The following CHRM3 variants were observed in gnomAD, a reference collection of about 807,000 sequenced individuals.
CHRM3 encodes muscarinic acetylcholine receptor M3.
In CHRM3, 11 loss-of-function variants were observed where a neutral mutation model predicts 41.8. That is an observed-to-expected ratio of 0.26 (90% confidence interval 0.17 to 0.44). The LOEUF (loss-of-function observed/expected upper bound fraction) is 0.44. CHRM3 is among the 20% of genes least tolerant of loss of function. The pLI, the probability that CHRM3 is intolerant of heterozygous loss-of-function variation, is 1.00. For synonymous variants in CHRM3, 297 were observed against 301.4 expected (o/e 0.99, Z 0.15); for missense variants, 571 against 745.4 (o/e 0.77, Z 2.72).
intron 1 of CHRM3, among the ~76,000 whole-genome samples, chr1:239,401,068 G>A (rs918372905): frequency 6.6e-6 from 1 of 151,434 alleles, no homozygotes; most frequent in African/African-American, 2.4e-5. Context: ...GGCTTGAAAA[G>A]AAAATCAAAG....
intron 6 of CHRM3, among the ~76,000 whole-genome samples, chr1:239,893,152 T>A (rs1340836914): frequency 1.3e-5 from 2 of 152,202 alleles, no homozygotes; most frequent in Non-Finnish European, 1.5e-5. Context: ...TTAAATGAAT[T>A]AATATGTATA....
intron 4 of CHRM3, among the ~76,000 whole-genome samples, chr1:239,673,526 T>G (rs1174675038): frequency 2.6e-5 from 4 of 152,196 alleles, no homozygotes; most frequent in African/African-American, 9.7e-5. Flanking sequence ...TCAGCTATGT[T>G]TGCTTTTTAT....
chr1:239,865,232 G>A (rs188256475), intron 6 of CHRM3, among the ~76,000 whole-genome samples: 2,745 of 152,218 alleles, frequency 0.018, 96 homozygotes, highest in African/African-American at 0.063. Flanking sequence ...TACATGTATA[G>A]GATACTCCTG....
chr1:239,398,181 A>C (rs929584196), intron 1 of CHRM3, among the ~76,000 whole-genome samples: 4 of 152,224 alleles, frequency 2.6e-5, no homozygotes, highest in African/African-American at 7.2e-5. Flanking sequence ...AAAAGATTAC[A>C]ACTTTGAATC....
At chr1:239,760,705 TG>T (rs1455443058) in intron 5 of CHRM3, among the ~76,000 whole-genome samples, 1 of 152,248 alleles carries the variant, frequency 6.6e-6, no homozygotes, top group Non-Finnish European at 1.5e-5. Flanking sequence ...ATGTGTGGTT[TG>T]CATTGTCTCT....
intron 1 of CHRM3, among the ~76,000 whole-genome samples, chr1:239,454,325 C>T (rs1664768698): frequency 1.3e-5 from 2 of 152,102 alleles, no homozygotes; most frequent in South Asian, 4.1e-4. Flanking sequence ...CTTATGCTTA[C>T]CCATTTGTTA....
chr1:239,655,989 A>G lies in CHRM3; in HGVS notation c.-249-22197A>G, dbSNP rs139870795. Reference sequence around the variant, plus strand: ...ATACAATGCAGCCACAAAAAAGGACAAAATCATGTCCTTTGTGGCAACATA... The same window carrying G: ...ATACAATGCAGCCACAAAAAAGGACGAAATCATGTCCTTTGTGGCAACATA... On this transcript the variant is annotated intron_variant, in intron 4 of 6. Coordinates refer to ENST00000676153, the MANE Select transcript of CHRM3 (RefSeq NM_001375978.1). Among the ~76,000 whole-genome samples, 319 of 152,342 alleles carry G rather than the reference A, an allele frequency of 2.1e-3. 2 individuals are homozygous for G. Among genetic ancestry groups the G allele is most frequent in the African/African-American group, 7.3e-3 (303 of 41,572 alleles).
At chr1:239,716,672 G>C (rs1662403977) in intron 5 of CHRM3, among the ~76,000 whole-genome samples, 1 of 151,942 alleles carries the variant, frequency 6.6e-6, no homozygotes, top group South Asian at 2.1e-4. Flanking sequence ...AAGCTAACCA[G>C]TGGGTCCTAA....
chr1:239,665,775 G>C (rs117918937), intron 4 of CHRM3, among the ~76,000 whole-genome samples: 3 of 151,916 alleles, frequency 2.0e-5, no homozygotes, highest in African/African-American at 7.3e-5. Context: ...GCGGTGTTTC[G>C]TTTTCTGTTC....
At chr1:239,821,096 C>T (rs1672004948) in intron 5 of CHRM3, among the ~76,000 whole-genome samples, 1 of 152,144 alleles carries the variant, frequency 6.6e-6, no homozygotes. Flanking sequence ...AAAAGAACTA[C>T]ATGTTCTGAC....
chr1:239,681,160 G>A (rs1658525102), intron 5 of CHRM3, among the ~76,000 whole-genome samples: 1 of 152,138 alleles, frequency 6.6e-6, no homozygotes, highest in Non-Finnish European at 1.5e-5. Flanking sequence ...GCAACACGTG[G>A]GAATTCTGGG....
At chr1:239,555,804 T>C (rs1462010135) in intron 3 of CHRM3, among the ~76,000 whole-genome samples, 2 of 152,212 alleles carry the variant, frequency 1.3e-5, no homozygotes, top group Non-Finnish European at 2.9e-5. Flanking sequence ...TCCTCTACCC[T>C]ACCACCAGCT....
intron 5 of CHRM3, among the ~76,000 whole-genome samples, chr1:239,791,903 C>T (rs1286850789): frequency 6.6e-6 from 1 of 152,114 alleles, no homozygotes; most frequent in Non-Finnish European, 1.5e-5. Context: ...AGATACAAGA[C>T]CTACAATAGT....
chr1:239,701,269 C>A (rs901316011), intron 5 of CHRM3, among the ~76,000 whole-genome samples: 3 of 152,160 alleles, frequency 2.0e-5, no homozygotes, highest in Non-Finnish European at 4.4e-5. Context: ...CCTCGTTCTA[C>A]CAGTTCTTCA....
At chr1:239,641,798 T>A (rs1191828249) in intron 4 of CHRM3, among the ~76,000 whole-genome samples, 16 of 117,474 alleles carry the variant, frequency 1.4e-4, no homozygotes, top group East Asian at 2.2e-4. Context: ...GTGAATTTGA[T>A]CCTGTCATTA....
rs200427720 is a variant in CHRM3 at position 239,908,423 on chromosome 1, C to T, written c.972C>T (p.Ser324=). Reference sequence around the variant, plus strand: ...CAACCAAGAGCTGGAAACCCAGCTCCGAGCAGATGGACCAAGACCACAGCA... The same window carrying T: ...CAACCAAGAGCTGGAAACCCAGCTCTGAGCAGATGGACCAAGACCACAGCA... ...WFTTKSWKPS[S]EQMDQDHSSS... is the part of the protein sequence containing the mutation. Residue 324 remains serine, a synonymous_variant, in exon 7 of 7, where the codon TCC becomes TCT. Transcript: ENST00000676153. The surrounding 1 kb of genome is among the most constrained non-coding windows in gnomAD (Gnocchi z 7.2). The T allele has an allele frequency of 2.2e-5, 36 of 1,613,910 alleles. No homozygotes were observed. The highest frequency in any genetic ancestry group is 1.3e-4 in the South Asian group (12 of 91,068).
intron 6 of CHRM3, among the ~76,000 whole-genome samples, chr1:239,889,656 A>G (rs561097854): frequency 2.6e-5 from 4 of 152,262 alleles, no homozygotes; most frequent in South Asian, 2.1e-4. Context: ...CCTGTATCAC[A>G]TTCACTTTAT....
chr1:239,855,734 T>A (rs1015500063), intron 6 of CHRM3, among the ~76,000 whole-genome samples: 1 of 152,184 alleles, frequency 6.6e-6, no homozygotes, highest in East Asian at 1.9e-4. Context: ...TCATACATAA[T>A]GAAAAGTTGG....
At chr1:239,629,856 A>G (rs1212449227) in intron 3 of CHRM3, among the ~76,000 whole-genome samples, 1 of 152,120 alleles carries the variant, frequency 6.6e-6, no homozygotes, top group African/African-American at 2.4e-5. Flanking sequence ...TTGGCTAACT[A>G]TATAATTAGG....
Sources: allele counts gnomAD v4.1 joint callset (sites outside exome capture counted in the v4.1 genomes callset), GRCh38; gene constraint gnomAD v4.1.1; non-coding constraint Gnocchi (gnomAD v3.1); transcripts MANE v1.5; gene names NCBI Gene and HGNC (gene_info 2026-07-23, HGNC 2026-07-21).